The following CNTLN variants were observed in gnomAD, a reference collection of about 807,000 sequenced individuals.
The protein encoded by CNTLN is centlein, centrosomal protein.
Under a neutral mutation model 180.0 loss-of-function variants are expected in CNTLN, and 212 were observed. The ratio of observed to expected loss-of-function variants is 1.18; its 90% CI spans 1.05 to 1.32. The LOEUF (loss-of-function observed/expected upper bound fraction) is 1.32. CNTLN is among the 40% of genes most tolerant of loss of function. CNTLN has a pLI of 0.00. For synonymous variants in CNTLN, 722 were observed against 563.1 expected (o/e 1.28, Z -3.99); for missense variants, 2,095 against 1,610.9 (o/e 1.30, Z -5.14).
intron 12 of CNTLN, among the ~76,000 whole-genome samples, chr9:17,350,588 T>G (rs72703879): frequency 2.0e-3 from 309 of 152,244 alleles, no homozygotes; most frequent in Non-Finnish European, 3.5e-3. Flanking sequence ...CAAAACGCCA[T>G]AGGCTGGGTG....
intron 5 of CNTLN, among the ~76,000 whole-genome samples, chr9:17,264,275 TC>T (rs1827231888): frequency 6.7e-6 from 1 of 150,352 alleles, no homozygotes; most frequent in African/African-American, 2.5e-5. Context: ...TAGCCAGTTT[TC>T]CCAGCACCAC....
chr9:17,161,043 T>A (rs921888571), intron 2 of CNTLN, among the ~76,000 whole-genome samples: 2 of 152,134 alleles, frequency 1.3e-5, no homozygotes, highest in South Asian at 4.1e-4. Context: ...ATAAATACTA[T>A]AATGATATTC....
intron 12 of CNTLN, among the ~76,000 whole-genome samples, chr9:17,358,500 T>G (rs1289853031): frequency 1.3e-5 from 2 of 152,146 alleles, no homozygotes; most frequent in Non-Finnish European, 2.9e-5. Context: ...ACTGCACACA[T>G]GTAGACGTAC....
At chr9:17,295,995 AGAGTGTGTGTGT>A (rs1287936566) in intron 6 of CNTLN, among the ~76,000 whole-genome samples, 71 of 84,970 alleles carry the variant, frequency 8.4e-4, no homozygotes, top group South Asian at 2.5e-3. Context: ...AGAGAGAGAG[AGAGTGTGTGTGT>A]GTGTGTGTGT....
intron 2 of CNTLN, among the ~76,000 whole-genome samples, chr9:17,182,853 A>G (rs1005281847): frequency 2.6e-5 from 4 of 152,220 alleles, no homozygotes; most frequent in Admixed American, 2.0e-4. Flanking sequence ...CATACTTGCC[A>G]TGAAGCTGTA....
At chr9:17,445,416 G>C (rs1201604500) in intron 18 of CNTLN, among the ~76,000 whole-genome samples, 1 of 151,926 alleles carries the variant, frequency 6.6e-6, no homozygotes, top group Non-Finnish European at 1.5e-5. Context: ...GAAAGAAGTA[G>C]ACATAGGAGA....
intron 23 of CNTLN, among the ~76,000 whole-genome samples, chr9:17,473,725 T>A (rs1383722912): frequency 6.6e-6 from 1 of 152,182 alleles, no homozygotes; most frequent in East Asian, 1.9e-4. Context: ...CCCACTTTCT[T>A]ATCTTCCATT....
intron 18 of CNTLN, among the ~76,000 whole-genome samples, chr9:17,419,041 G>A (rs1267191576): frequency 5.3e-5 from 8 of 152,042 alleles, no homozygotes. Flanking sequence ...TAAAGTTTTG[G>A]AAGAAAATTT....
chr9:17,256,276 A>G (rs1826481441), intron 5 of CNTLN, among the ~76,000 whole-genome samples: 1 of 151,972 alleles, frequency 6.6e-6, no homozygotes, highest in African/African-American at 2.4e-5. Flanking sequence ...AATCCCAGTA[A>G]TGGGATTGCT....
intron 2 of CNTLN, among the ~76,000 whole-genome samples, chr9:17,159,115 T>C (rs781422881): frequency 4.6e-5 from 7 of 152,198 alleles, no homozygotes; most frequent in East Asian, 1.9e-4. Context: ...TTTCCACTTA[T>C]TTGTGAGCTT....
chr9:17,408,869 C>T (rs945024777), intron 15 of CNTLN, among the ~76,000 whole-genome samples: 1 of 151,486 alleles, frequency 6.6e-6, no homozygotes, highest in East Asian at 1.9e-4. Context: ...GATAAATAGC[C>T]ATAAGGGATG....
intron 13 of CNTLN, among the ~76,000 whole-genome samples, chr9:17,371,000 T>C (rs1288474479): frequency 6.6e-6 from 1 of 152,034 alleles, no homozygotes; most frequent in Non-Finnish European, 1.5e-5. Context: ...CGTTTTATTT[T>C]AGGAGAAAAG....
chr9:17,226,784 AG>A (rs1824495116), intron 3 of CNTLN, among the ~76,000 whole-genome samples: 1 of 152,130 alleles, frequency 6.6e-6, no homozygotes, highest in East Asian at 1.9e-4. Flanking sequence ...CAGACAGTAC[AG>A]GATGCATAGC....
At position 17,373,856 on chromosome 9, in the gene CNTLN, A is replaced by G. The variant is rs1258117514; in HGVS notation, c.1987+7139A>G. 3.9e-5 allele frequency among the ~76,000 whole-genome samples: 6 copies of G among 152,320 alleles called. No homozygotes were observed. The South Asian group carries it at 1.0e-3, about 26-fold the overall frequency. ...ATTGTTGACAGCGTTGCCAAGACAT[A>G]CATTGGGAAAAGGACAGTCTCTTCA... On this transcript the variant is annotated intron_variant, in intron 13 of 25. Coordinates refer to ENST00000380647, the MANE Select transcript of CNTLN (RefSeq NM_017738.4).
chr9:17,191,744 G>A (rs1161565473), intron 2 of CNTLN, among the ~76,000 whole-genome samples: 1 of 152,132 alleles, frequency 6.6e-6, no homozygotes. Flanking sequence ...AAAATATGAA[G>A]AGAAATAGTG....
chr9:17,436,707 A>C (rs1044749665), intron 18 of CNTLN, among the ~76,000 whole-genome samples: 2 of 152,366 alleles, frequency 1.3e-5, no homozygotes, highest in East Asian at 3.9e-4. Flanking sequence ...ATTTATTTAC[A>C]GAATTCTTAT....
rs753664322 is a variant in CNTLN, at chr9:17,466,022, A to T, written c.3573A>T (p.Ser1191=). 6 of 1,605,620 alleles carry T rather than the reference A, an allele frequency of 3.7e-6. No homozygotes were observed. The highest frequency in any genetic ancestry group is 1.7e-5 in the Admixed American group (1 of 59,508). ...LTEECSNKKV[S]IDSLKQRLNV... The stretch of plus-strand genomic sequence containing the variant: ...AAGAATGTTCCAACAAGAAGGTATC[A>T]ATTGATTCACTAAAGCAAAGACTTA... Residue 1191 remains serine (S), a synonymous_variant, in exon 22 of 26, where the codon TCA becomes TCT. Coordinates refer to ENST00000380647, the MANE Select transcript of CNTLN (RefSeq NM_017738.4).
At chr9:17,357,735 TTTTG>T (rs1370745283) in intron 12 of CNTLN, among the ~76,000 whole-genome samples, 1 of 150,644 alleles carries the variant, frequency 6.6e-6, no homozygotes. Flanking sequence ...CATAAGTCAA[TTTTG>T]TCACACGAAC....
chr9:17,287,189 C>G (rs1428736949), intron 6 of CNTLN, among the ~76,000 whole-genome samples: 1 of 150,710 alleles, frequency 6.6e-6, no homozygotes, highest in Non-Finnish European at 1.5e-5. Context: ...CCATCAATAC[C>G]TAATTTATTG....
Sources: allele counts gnomAD v4.1 joint callset (sites outside exome capture counted in the v4.1 genomes callset), GRCh38; gene constraint gnomAD v4.1.1; transcripts MANE v1.5; gene names NCBI Gene and HGNC (gene_info 2026-07-23, HGNC 2026-07-21).